Variants in ZNF561 observed in about 807,000 individuals in gnomAD.
ZNF561 encodes zinc finger protein 561.
Under a neutral mutation model 16.7 loss-of-function variants are expected in ZNF561, and 16 were observed. That is an observed-to-expected ratio of 0.96 (90% CI 0.65 to 1.45). The LOEUF is 1.45. Ranked by LOEUF, ZNF561 falls within the 40% of genes most tolerant of loss-of-function variation. The pLI is 0.00. For missense variants in ZNF561, 580 were observed against 578.0 expected, an observed-to-expected ratio of 1.00 and a Z score of -0.04; for synonymous variants, 190 against 192.1, an observed-to-expected ratio of 0.99 and a Z score of 0.09.
Position 9,610,862 on chromosome 19 carries a change from G to C in ZNF561, c.799C>G (p.Gln267Glu). The change falls in exon 6 of 6, where the codon CAA (glutamine) becomes GAA (glutamate). Residue 267 changes from glutamine (Q) to glutamate (E), a missense_variant. By Grantham distance (29) the Gln-to-Glu change is conservative. Transcript: ENST00000302851. ...KCGKSFTNFS[Q>E]LYAPVKTHKG... ...TGAGTTTTCACAGGTGCATAAAGTT[G>C]AGAAAAATTAGTGAAGGATTTCCCA... 6.2e-7 allele frequency: 1 copy of C among 1,614,126 alleles called. No homozygotes were observed. The highest frequency in any genetic ancestry group is 1.3e-5 in the African/African-American group (1 of 75,032).
intron 4 of ZNF561, chr19:9,614,330 C>T (rs767196775): frequency 2.9e-5 from 13 of 454,822 alleles, no homozygotes; most frequent in African/African-American, 1.0e-4. Flanking sequence ...TTAAAAATGC[C>T]GGGAGTGGTG....
At chr19:9,619,961 C>T (rs2074639377) in intron 1 of ZNF561, among the ~76,000 whole-genome samples, 1 of 115,034 alleles carries the variant, frequency 8.7e-6, no homozygotes. Context: ...CAGGGTCTCA[C>T]TCTGTTGCCC....
chr19:9,618,745 C>T (rs976170626), intron 2 of ZNF561, among the ~76,000 whole-genome samples: 11 of 151,288 alleles, frequency 7.3e-5, no homozygotes, highest in African/African-American at 2.4e-4. Flanking sequence ...AAAAGTGACT[C>T]TCTATCTGCC....
rs1371488802 is a variant in ZNF561, at chr19:9,610,389, C to G, written c.1272G>C (p.Lys424Asn). Residue 424 changes from lysine to asparagine, a missense_variant, in exon 6 of 6, where the codon AAG (lysine) becomes AAC (asparagine). Transcript: ENST00000302851. ...THSGEKPFVC[K>N]ICGKAFLYSS... ...AATATAGAAATGCTTTCCCACATAT[C>G]TTGCATACAAAGGGCTTTTCTCCAC... 1 of 1,613,804 alleles carries G rather than the reference C, an allele frequency of 6.2e-7. No homozygotes were observed. Among genetic ancestry groups the G allele is most frequent in the Non-Finnish European group, 8.5e-7 (1 of 1,179,870 alleles).
intron 5 of ZNF561, among the ~76,000 whole-genome samples, chr19:9,612,892 C>T (rs994660596): frequency 5.9e-5 from 9 of 152,178 alleles, no homozygotes; most frequent in Non-Finnish European, 1.3e-4. Context: ...ATCTCCCAGG[C>T]TGAAGCCATC....
At position 9,615,083 on chromosome 19, in the gene ZNF561, A is replaced by G. The variant is rs909446774; in HGVS notation, c.242-980T>C. 3.3e-5 allele frequency among the ~76,000 whole-genome samples: 5 copies of G among 151,498 alleles called. No individual in the cohort carries two copies. The South Asian group carries it at 6.3e-4, about 19-fold the overall frequency. ...TCAAACTCCTGGCCTCAGACAATCC[A>G]CCCACCTCAGCCTCCCAAAGTGCTG... On this transcript the variant is annotated intron_variant, in intron 4 of 5. Coordinates refer to ENST00000302851, the MANE Select transcript of ZNF561 (RefSeq NM_152289.3).
chr19:9,612,703 G>C (rs115939715), intron 5 of ZNF561, among the ~76,000 whole-genome samples: 3,432 of 152,188 alleles, frequency 0.023, 123 homozygotes, highest in African/African-American at 0.075. Flanking sequence ...CTGACTTCTT[G>C]ATTTCTTCCA....
chr19:9,610,533 T>C lies in ZNF561; in HGVS notation c.1128A>G (p.Thr376=), dbSNP rs759910690. 1.2e-6 allele frequency: 2 copies of C among 1,614,002 alleles called. No homozygotes were observed. The highest frequency in any genetic ancestry group is 1.7e-6 in the Non-Finnish European group (2 of 1,179,866). Residue 376 remains threonine (T), a synonymous_variant, in exon 6 of 6, where the codon ACA becomes ACG. Coordinates refer to ENST00000302851, the MANE Select transcript of ZNF561 (RefSeq NM_152289.3). ...TTGTATGCTGAATAAGACTTGTGGA[T>C]GTAGTGAAGGCTTTCCCACATTCCT... The part of the protein sequence containing the change: ...QCKECGKAFT[T]STSLIQHTRI...
At chr19:9,612,735 G>T (rs1043233012) in intron 5 of ZNF561, among the ~76,000 whole-genome samples, 13 of 152,110 alleles carry the variant, frequency 8.5e-5, no homozygotes, top group African/African-American at 2.9e-4. Context: ...GGGCCCTTTT[G>T]CCAGAATTCT....
In ZNF561 at chr19:9,617,032, A is replaced by G. The variant is rs765084634; in HGVS notation, c.241+13T>C. On this transcript the variant is annotated intron_variant, in intron 4 of 5. Transcript: ENST00000302851. ...GCAGGCCACCATGCCAAGCATAGTG[A>G]TGTTACTCTTACCCACAGAGGCCAG... 1 of 1,603,816 alleles carries G rather than the reference A, an allele frequency of 6.2e-7. No homozygotes were observed. The highest frequency in any genetic ancestry group is 8.5e-7 in the Non-Finnish European group (1 of 1,173,624).
intron 1 of ZNF561, among the ~76,000 whole-genome samples, chr19:9,620,651 A>G (rs1314088322): frequency 6.6e-6 from 1 of 152,236 alleles, no homozygotes; most frequent in Non-Finnish European, 1.5e-5. Context: ...ACCAGAAGAC[A>G]GTGCAGACCT....
At chr19:9,614,680 A>G (rs2074522452) in intron 4 of ZNF561, among the ~76,000 whole-genome samples, 1 of 152,184 alleles carries the variant, frequency 6.6e-6, no homozygotes, top group Admixed American at 6.6e-5. Flanking sequence ...GATCTAGATA[A>G]ACAGCATGTA....
chr19:9,617,229 G>A, intron 3 of ZNF561, 58 bp from the exon 4 acceptor site: 1 of 1,573,024 alleles, frequency 6.4e-7, no homozygotes, highest in Non-Finnish European at 8.6e-7. Context: ...AATATTCACT[G>A]GAGAATGATG....
Position 9,619,535 on chromosome 19 carries a change from T to G in ZNF561, c.-79A>C. Reference sequence around the variant, plus strand: ...CCTCAGGCCAGCTTATGAATCTAGGTGGATAGAGGCAATCTCCATTCCTCT... The same window carrying G: ...CCTCAGGCCAGCTTATGAATCTAGGGGGATAGAGGCAATCTCCATTCCTCT... On this transcript the variant is annotated 5_prime_UTR_variant, in exon 2 of 6. Transcript: ENST00000302851. The G allele has an allele frequency of 6.7e-7, 1 of 1,483,698 alleles. No homozygotes were observed. The highest frequency in any genetic ancestry group is 9.4e-7 in the Non-Finnish European group (1 of 1,067,514). 91.9% of individuals were successfully genotyped at this position (1,483,698 alleles called of 1,614,324 possible).
Position 9,610,272 on chromosome 19 carries a change from G to A in ZNF561, c.1389C>T (p.Arg463=), listed in dbSNP as rs1316472111. ...ECGKAFAVSS[R]LSRHERIHTG... is the part of the protein sequence containing the mutation. ...TGTGAATTCTTTCATGTCTACTTAG[G>A]CGTGAGGAAACAGCAAATGCTTTCC... Residue 463 remains arginine, a synonymous_variant, in exon 6 of 6, where the codon CGC becomes CGT. Transcript: ENST00000302851. 9.3e-6 allele frequency: 15 copies of A among 1,613,822 alleles called. No individual in the cohort carries two copies. In the African/African-American group the frequency reaches 1.1e-4, roughly 11 times the overall value.
Position 9,615,073 on chromosome 19 carries a change from C to T in ZNF561, c.242-970G>A, listed in dbSNP as rs549325401. Among the ~76,000 whole-genome samples, 21 of 152,054 alleles carry T rather than the reference C, an allele frequency of 1.4e-4. 1 individual carries two copies. In the South Asian group the frequency reaches 4.2e-3, roughly 30 times the overall value. ...CACACTGGTCTCAAACTCCTGGCCT[C>T]AGACAATCCACCCACCTCAGCCTCC... On this transcript the variant is annotated intron_variant, in intron 4 of 5. Transcript: ENST00000302851.
In ZNF561 at chr19:9,608,937, T is replaced by C. The variant is rs2074397434; in HGVS notation, c.*1263A>G. 1 of 152,124 alleles carries C rather than the reference T, an allele frequency of 6.6e-6. No homozygotes were observed. Among genetic ancestry groups the C allele is most frequent in the Non-Finnish European group, 1.5e-5 (1 of 68,032 alleles). 9.4% of individuals were successfully genotyped at this position (152,124 alleles called of 1,614,324 possible). ...TAAACAGGCCATGAGAAACTGCCCA[T>C]AAACAAAATCTCTGCGGCACTGTGA... On this transcript the variant is annotated 3_prime_UTR_variant, in exon 6 of 6. Transcript: ENST00000302851.
intron 3 of ZNF561, chr19:9,617,710 C>T (rs1243176657): frequency 2.2e-6 from 1 of 457,424 alleles, no homozygotes; most frequent in Non-Finnish European, 4.4e-6. Context: ...GGAGCTCTTC[C>T]TGTCCCATTG....
At chr19:9,617,941 T>C (rs1422870360) in intron 3 of ZNF561, 150 bp downstream of exon 3, 1 of 720,324 alleles carries the variant, frequency 1.4e-6, no homozygotes, top group African/African-American at 1.8e-5. Context: ...GAGACTTCAT[T>C]CCCTGGGGAA....
Sources: gnomAD v4.1 joint callset for allele counts (sites outside exome capture counted in the v4.1 genomes callset) on GRCh38, gnomAD v4.1.1 for gene constraint, MANE v1.5 for transcripts, NCBI Gene and HGNC (gene_info 2026-07-23, HGNC 2026-07-21) for gene names.